MDM2: variants seen among roughly 807,000 people sequenced by gnomAD.
MDM2 encodes E3 ubiquitin-protein ligase Mdm2.
MDM2 carries 11 observed loss-of-function variants against 64.3 expected under a neutral mutation model. The observed-to-expected ratio is 0.17, with a 90% CI of 0.11 to 0.28. The LOEUF is 0.28. MDM2 is among the 10% of genes least tolerant of loss of function. The pLI is 1.00. For missense variants in MDM2, 388 were observed against 577.1 expected (o/e 0.67, Z 3.36); for synonymous variants, 194 against 192.9 (o/e 1.01, Z -0.05).
intron 8 of MDM2, 138 bp from the exon 9 acceptor site, chr12:68,835,691 C>G (rs1453731785): frequency 1.3e-6 from 1 of 757,988 alleles, no homozygotes; most frequent in Non-Finnish European, 2.0e-6. Flanking sequence ...CTCGGGAAGT[C>G]CCGGATCAGA....
downstream of MDM2, chr12:68,847,196 T>TATATATATATATA (rs1884363867): frequency 1.1e-5 from 1 of 92,080 alleles, no homozygotes; most frequent in Non-Finnish European, 2.1e-5. Flanking sequence ...TGTGTGTACA[T>TATATATATATATA]TATATATATA....
intron 4 of MDM2, among the ~76,000 whole-genome samples, chr12:68,819,522 G>T (rs1881672623): frequency 6.6e-6 from 1 of 151,942 alleles, no homozygotes; most frequent in Non-Finnish European, 1.5e-5. Context: ...TCGGAGTTTT[G>T]CTCTTGTTGC....
Position 68,813,625 on chromosome 12 carries a change from A to G in MDM2, c.171A>G (p.Lys57=). The G allele has an allele frequency of 6.2e-7, 1 of 1,610,168 alleles. No individual in the cohort carries two copies. Residue 57 remains lysine, a synonymous_variant, in exon 3 of 11, where the codon AAA becomes AAG. Coordinates refer to ENST00000258149, the MANE Select transcript of MDM2 (RefSeq NM_002392.6). The part of the protein sequence containing the change: ...VGAQKDTYTM[K]EVLFYLGQYI... ...CACAAAAAGACACTTATACTATGAA[A>G]GAGGTAAGCTGAATCAAGAGATAAG...
Position 68,808,528 on chromosome 12 carries a change from G to A in MDM2, c.14+37G>A, listed in dbSNP as rs774788632. On this transcript the variant is annotated intron_variant, in intron 1 of 10. Transcript: ENST00000258149. The stretch of plus-strand genomic sequence containing the variant: ...GCAGCGAGCGGTCACTTTTGGGTCT[G>A]GGCTCTGACGGTGTCCCCTCTATCG... The A allele has an allele frequency of 1.9e-6, 3 of 1,613,646 alleles. No individual in the cohort carries two copies. In the South Asian group the frequency reaches 3.3e-5, roughly 18 times the overall value.
rs1189590505 is a variant in MDM2 at position 68,842,253 on chromosome 12, G to T, written c.*2404G>T. ...TTATAATGAACAAATTCAAGAAAAA[G>T]GACTACGGAAAGTTCAGGACATCAA... On this transcript the variant is annotated 3_prime_UTR_variant, in exon 11 of 11. Transcript: ENST00000258149. 1 of 497,014 alleles carries T rather than the reference G, an allele frequency of 2.0e-6. No individual in the cohort carries two copies. Among genetic ancestry groups the T allele is most frequent in the African/African-American group, 1.9e-5 (1 of 51,656 alleles). The allele number at this position is 497,014 out of a possible 1,614,324, so 30.8% of individuals were successfully genotyped here.
chr12:68,821,536 A>C (rs1305968699), intron 5 of MDM2, among the ~76,000 whole-genome samples: 1 of 150,486 alleles, frequency 6.6e-6, no homozygotes, highest in Admixed American at 6.6e-5. Context: ...CAGCCTGGGC[A>C]GCATGGCAAA....
intron 4 of MDM2, among the ~76,000 whole-genome samples, chr12:68,818,791 G>A (rs2136125421): frequency 6.7e-6 from 1 of 149,084 alleles, no homozygotes; most frequent in East Asian, 2.0e-4. Flanking sequence ...ATGAAGTCTT[G>A]CTCTGTTGCC....
rs1262483076 is a variant in MDM2, at chr12:68,840,148, C to G, written c.*299C>G. ...ATATGTATATGACATTTAAATGTAA[C>G]TTATTATTTTTTTTGAGACCGAGTC... On this transcript the variant is annotated 3_prime_UTR_variant, in exon 11 of 11. Transcript: ENST00000258149. 6.6e-6 allele frequency: 2 copies of G among 301,280 alleles called. No individual in the cohort carries two copies. Among genetic ancestry groups the G allele is most frequent in the African/African-American group, 4.4e-5 (2 of 45,338 alleles). The allele number at this position is 301,280 out of a possible 1,614,324, so 18.7% of individuals were successfully genotyped here.
chr12:68,837,985 A>G (rs116842196), intron 10 of MDM2, among the ~76,000 whole-genome samples: 32 of 152,324 alleles, frequency 2.1e-4, no homozygotes, highest in South Asian at 1.9e-3. Flanking sequence ...AGTTGAGTAA[A>G]ATATTTTAGA....
intron 8 of MDM2, among the ~76,000 whole-genome samples, chr12:68,833,126 CAAAA>C (rs35815088): frequency 0.051 from 3,107 of 61,146 alleles, 69 homozygotes; most frequent in South Asian, 0.082. Context: ...ACTCTGTCTC[CAAAA>C]AAAAAAAAAA....
In MDM2 at chr12:68,828,755, T is replaced by C. The variant is rs1391804261; in HGVS notation, c.524-16T>C. On this transcript the variant is annotated splice_polypyrimidine_tract_variant and intron_variant, in intron 7 of 10. Coordinates refer to ENST00000258149, the MANE Select transcript of MDM2 (RefSeq NM_002392.6). ...ATCACAGTACAGCAATTTATTTTTT[T>C]TCCTTACATATCCAGAAGAAAATTC... The C allele has an allele frequency of 1.2e-6, 2 of 1,612,498 alleles. No homozygotes were observed. The highest frequency in any genetic ancestry group is 1.7e-6 in the Non-Finnish European group (2 of 1,179,248).
intron 3 of MDM2, among the ~76,000 whole-genome samples, chr12:68,815,433 C>CTTTTT (rs58178593): frequency 0.012 from 1,125 of 92,886 alleles, 24 homozygotes; most frequent in Middle Eastern, 0.02. Flanking sequence ...GTTTCTTCTT[C>CTTTTT]TTTTTTTTTT....
In MDM2 at chr12:68,841,590, T is replaced by C. The variant is rs1883771181; in HGVS notation, c.*1741T>C. ...AAATCCTTTATGGGATTTAATGGAA[T>C]CTGTTGTTTCCCCCTAAGTTGAAAA... is the stretch of plus-strand genomic sequence containing the variant. On this transcript the variant is annotated 3_prime_UTR_variant, in exon 11 of 11. Transcript: ENST00000258149. 4.7e-6 allele frequency: 1 copy of C among 210,766 alleles called. No individual in the cohort carries two copies. The highest frequency in any genetic ancestry group is 9.6e-6 in the Non-Finnish European group (1 of 103,858). 13.1% of individuals were successfully genotyped at this position (210,766 alleles called of 1,614,324 possible).
chr12:68,808,530 G>T (rs1421749519), intron 1 of MDM2, 39 bp downstream of exon 1: 1 of 1,613,582 alleles, frequency 6.2e-7, no homozygotes, highest in African/African-American at 1.3e-5. Flanking sequence ...TTGGGTCTGG[G>T]CTCTGACGGT....
intron 7 of MDM2, among the ~76,000 whole-genome samples, chr12:68,826,894 C>T (rs932692186): frequency 2.6e-5 from 4 of 151,588 alleles, no homozygotes; most frequent in East Asian, 2.0e-4. Context: ...GTAAAAATCC[C>T]GGCCAGGTCC....
chr12:68,832,048 C>T (rs1028757651), intron 8 of MDM2, among the ~76,000 whole-genome samples: 1 of 152,104 alleles, frequency 6.6e-6, no homozygotes, highest in Non-Finnish European at 1.5e-5. Context: ...GCAGCCTGGG[C>T]AACGAGAACG....
intron 10 of MDM2, among the ~76,000 whole-genome samples, chr12:68,839,016 A>C (rs1883527423): frequency 1.3e-5 from 2 of 152,318 alleles, no homozygotes; most frequent in Admixed American, 6.5e-5. Context: ...GTAATCCATT[A>C]TCTTGAATAG....
intron 8 of MDM2, among the ~76,000 whole-genome samples, chr12:68,831,014 T>C (rs1882747714): frequency 6.6e-6 from 1 of 152,118 alleles, no homozygotes; most frequent in Non-Finnish European, 1.5e-5. Flanking sequence ...ATTTAATGTA[T>C]AGTTTTTGTT....
intron 7 of MDM2, among the ~76,000 whole-genome samples, chr12:68,826,643 C>CAT (rs754384534): frequency 0.082 from 9,236 of 113,014 alleles, 625 homozygotes; most frequent in Non-Finnish European, 0.11. Flanking sequence ...AGTGAGACTC[C>CAT]CTCTTAAAAA....
Sources: allele counts gnomAD v4.1 joint callset (sites outside exome capture counted in the v4.1 genomes callset), GRCh38; gene constraint gnomAD v4.1.1; transcripts MANE v1.5; gene names NCBI Gene and HGNC (gene_info 2026-07-23, HGNC 2026-07-21).